The following UBE3D variants were observed in gnomAD, a reference collection of about 807,000 sequenced individuals.
UBE3D encodes the protein ubiquitin protein ligase E3D.
UBE3D carries 48 observed loss-of-function variants against 49.6 expected under a neutral mutation model. The observed-to-expected ratio is 0.97, with a 90% CI of 0.77 to 1.23. The LOEUF (loss-of-function observed/expected upper bound fraction) is 1.23, where lower values mean the gene tolerates loss of function less well. Among genes scored for constraint, UBE3D ranks in the 50% most tolerant of loss-of-function variants. The pLI, the probability that UBE3D is intolerant of heterozygous loss-of-function variation, is 0.00. For missense variants in UBE3D, 452 were observed against 468.4 expected, an observed-to-expected ratio of 0.96 and a Z score of 0.32; for synonymous variants, 189 against 174.2, an observed-to-expected ratio of 1.08 and a Z score of -0.67.
At chr6:82,963,194 T>TTTC in intron 8 of UBE3D, among the ~76,000 whole-genome samples, 1 of 150,180 alleles carries the variant, frequency 6.7e-6, no homozygotes, top group Non-Finnish European at 1.5e-5. Context: ...TTTCATCTTT[T>TTTC]TTTTTTTTTT....
At chr6:83,047,887 C>G (rs190410197) in intron 3 of UBE3D, among the ~76,000 whole-genome samples, 2,670 of 151,906 alleles carry the variant, frequency 0.018, 44 homozygotes, top group Admixed American at 0.057. Context: ...TCAAGACCAT[C>G]CTGGCTAACA....
intron 9 of UBE3D, among the ~76,000 whole-genome samples, chr6:82,922,556 C>T (rs1372357094): frequency 1.3e-5 from 2 of 152,102 alleles, no homozygotes; most frequent in African/African-American, 4.8e-5. Flanking sequence ...TGGACCCCTT[C>T]CTTACACCTT....
chr6:83,065,774 A>C lies in UBE3D; in HGVS notation c.-56T>G, dbSNP rs1039125670. On this transcript the variant is annotated 5_prime_UTR_variant, in exon 1 of 10. Transcript: ENST00000369747. Reference sequence around the variant, plus strand: ...CTGGAGGTTCCGAGGGGCCCGGGTCAACAGGACCAGGAGAGGTTCCACGTG... The same window carrying C: ...CTGGAGGTTCCGAGGGGCCCGGGTCCACAGGACCAGGAGAGGTTCCACGTG... The C allele has an allele frequency of 1.9e-6, 3 of 1,538,972 alleles. No individual in the cohort carries two copies. In the Admixed American group the frequency reaches 5.7e-5, roughly 29 times the overall value.
chr6:83,023,938 C>T, intron 6 of UBE3D, 31 bp downstream of exon 6: 3 of 1,387,122 alleles, frequency 2.2e-6, no homozygotes, highest in Non-Finnish European at 2.9e-6. Flanking sequence ...AAATAAATTA[C>T]AAATAAATAA....
intron 8 of UBE3D, among the ~76,000 whole-genome samples, chr6:82,988,395 G>A (rs1041563257): frequency 7.2e-5 from 11 of 151,868 alleles, no homozygotes; most frequent in Admixed American, 1.3e-4. Flanking sequence ...TTATGAATTC[G>A]GTTAGAACTT....
At chr6:82,966,649 CAA>C (rs1204365470) in intron 8 of UBE3D, among the ~76,000 whole-genome samples, 3 of 25,090 alleles carry the variant, frequency 1.2e-4, no homozygotes, top group Admixed American at 6.9e-4. Context: ...GACTCCGTCT[CAA>C]AAAAAAAAAA....
intron 8 of UBE3D, among the ~76,000 whole-genome samples, chr6:82,971,374 G>T (rs1382421062): frequency 1.3e-5 from 2 of 151,622 alleles, no homozygotes; most frequent in East Asian, 3.9e-4. Flanking sequence ...AAAGTATGTG[G>T]GTTGAGACAT....
chr6:83,015,303 C>T (rs1424722121), intron 8 of UBE3D, among the ~76,000 whole-genome samples: 3 of 152,150 alleles, frequency 2.0e-5, no homozygotes, highest in African/African-American at 4.8e-5. Flanking sequence ...ACTCCACCAT[C>T]CCAGTCTCCC....
chr6:82,964,866 G>A (rs563749579), intron 8 of UBE3D, among the ~76,000 whole-genome samples: 1 of 152,052 alleles, frequency 6.6e-6, no homozygotes, highest in Non-Finnish European at 1.5e-5. Context: ...AATAAAAATA[G>A]ACCCTGAAAA....
intron 8 of UBE3D, among the ~76,000 whole-genome samples, chr6:83,011,323 G>A (rs1173504285): frequency 6.6e-6 from 1 of 152,070 alleles, no homozygotes; most frequent in East Asian, 1.9e-4. Flanking sequence ...GGTCGTAGCT[G>A]GTATTGATGA....
rs546698786 is a variant in UBE3D at position 82,968,916 on chromosome 6, C to T, written c.1011-11466G>A. Among the ~76,000 whole-genome samples, 326 of 152,228 alleles carry T rather than the reference C, an allele frequency of 2.1e-3. 2 individuals carry two copies. Among genetic ancestry groups the T allele is most frequent in the Non-Finnish European group, 3.4e-3 (228 of 68,016 alleles). On this transcript the variant is annotated intron_variant, in intron 8 of 9. Coordinates refer to ENST00000369747, the MANE Select transcript of UBE3D (RefSeq NM_198920.3). Reference sequence around the variant, plus strand: ...GCAGAGGTGCTTCATTGCACAACTTCAGGAATGCCATCAGTAGCCTCAATT... The same window carrying T: ...GCAGAGGTGCTTCATTGCACAACTTTAGGAATGCCATCAGTAGCCTCAATT...
At chr6:82,929,511 G>A (rs979550608) in intron 9 of UBE3D, among the ~76,000 whole-genome samples, 1 of 151,618 alleles carries the variant, frequency 6.6e-6, no homozygotes, top group Admixed American at 6.6e-5. Flanking sequence ...TTCTAAAGAT[G>A]CCCTTTTCTG....
At chr6:82,974,570 C>T (rs1777582839) in intron 8 of UBE3D, among the ~76,000 whole-genome samples, 1 of 150,996 alleles carries the variant, frequency 6.6e-6, no homozygotes, top group African/African-American at 2.4e-5. Context: ...TTTTTTTTAA[C>T]CCCTGAATAT....
chr6:82,930,117 A>T (rs1774038512), intron 9 of UBE3D, among the ~76,000 whole-genome samples: 1 of 152,056 alleles, frequency 6.6e-6, no homozygotes, highest in Admixed American at 6.6e-5. Context: ...AGTTTTCATG[A>T]AATCTGATGG....
At chr6:82,984,771 G>T (rs892198287) in intron 8 of UBE3D, among the ~76,000 whole-genome samples, 2 of 151,920 alleles carry the variant, frequency 1.3e-5, no homozygotes, top group Non-Finnish European at 2.9e-5. Flanking sequence ...ATAAGCTGGG[G>T]ATATTAGCCT....
chr6:83,054,866 G>A (rs1274719105), intron 2 of UBE3D, among the ~76,000 whole-genome samples: 1 of 152,090 alleles, frequency 6.6e-6, no homozygotes, highest in African/African-American at 2.4e-5. Context: ...GGCCAGTCTG[G>A]TCTTGCATTC....
chr6:83,026,775 T>C (rs1409572805), intron 5 of UBE3D, among the ~76,000 whole-genome samples: 1 of 152,008 alleles, frequency 6.6e-6, no homozygotes, highest in Non-Finnish European at 1.5e-5. Context: ...TCACTGTACC[T>C]CGAACCCCTG....
Position 82,990,459 on chromosome 6 carries a change from G to C in UBE3D, c.1010+28514C>G, listed in dbSNP as rs1778807602. On this transcript the variant is annotated intron_variant, in intron 8 of 9. Transcript: ENST00000369747. ...CACCCAGCTACTTTTTGTATTTTTA[G>C]TAGAGACACGGTTTCACCATGTTGG... 2.0e-5 allele frequency among the ~76,000 whole-genome samples: 3 copies of C among 151,850 alleles called. No homozygotes were observed. The Admixed American group carries it at 2.0e-4, about 10-fold the overall frequency.
At chr6:82,966,457 C>A (rs1174959624) in intron 8 of UBE3D, among the ~76,000 whole-genome samples, 1 of 127,278 alleles carries the variant, frequency 7.9e-6, no homozygotes, top group Non-Finnish European at 1.7e-5. Context: ...GAGACCATCC[C>A]GGCTAAAACG....
Sources: gnomAD v4.1 joint callset for allele counts (sites outside exome capture counted in the v4.1 genomes callset) on GRCh38, gnomAD v4.1.1 for gene constraint, MANE v1.5 for transcripts, NCBI Gene and HGNC (gene_info 2026-07-23, HGNC 2026-07-21) for gene names.